The following PCDH9 variants were observed in gnomAD, a reference collection of about 807,000 sequenced individuals.
PCDH9 encodes protocadherin-9.
In PCDH9, 24 loss-of-function variants were observed where a neutral mutation model predicts 70.6. That is an observed-to-expected ratio of 0.34 (90% CI 0.25 to 0.48). The LOEUF (loss-of-function observed/expected upper bound fraction) is 0.48. PCDH9 is among the 20% of genes least tolerant of loss of function. PCDH9 has a pLI of 0.99. For missense variants in PCDH9, 1,281 were observed against 1,503.6 expected (o/e 0.85, Z 2.45); for synonymous variants, 562 against 558.5 (o/e 1.01, Z -0.09).
At chr13:66,322,735 A>C (rs1247441891) in intron 4 of PCDH9, among the ~76,000 whole-genome samples, 2 of 152,024 alleles carry the variant, frequency 1.3e-5, no homozygotes, top group Non-Finnish European at 2.9e-5. Context: ...AAATTTTCTG[A>C]AGTAGATCCA....
intron 4 of PCDH9, among the ~76,000 whole-genome samples, chr13:66,608,713 A>G (rs1302632359): frequency 6.6e-6 from 1 of 152,018 alleles, no homozygotes; most frequent in Non-Finnish European, 1.5e-5. Flanking sequence ...ATTCAAACCT[A>G]GGAGCTCTTT....
intron 2 of PCDH9, among the ~76,000 whole-genome samples, chr13:67,023,223 C>T (rs747127994): frequency 9.2e-5 from 14 of 151,640 alleles, no homozygotes; most frequent in Non-Finnish European, 1.6e-4. Flanking sequence ...AGTTACACTA[C>T]TTATTCTAGG....
At chr13:66,943,779 T>C (rs1272756584) in intron 2 of PCDH9, among the ~76,000 whole-genome samples, 1 of 152,082 alleles carries the variant, frequency 6.6e-6, no homozygotes, top group Admixed American at 6.6e-5. Flanking sequence ...AATTCATCTG[T>C]ATCGGCATGG....
intron 2 of PCDH9, among the ~76,000 whole-genome samples, chr13:67,025,787 T>C (rs944660441): frequency 5.9e-5 from 9 of 152,160 alleles, no homozygotes; most frequent in Non-Finnish European, 1.0e-4. Flanking sequence ...TTGCACTTTA[T>C]ATGCACTTTA....
At chr13:66,578,793 GC>G (rs2076850182) in intron 4 of PCDH9, among the ~76,000 whole-genome samples, 2 of 152,028 alleles carry the variant, frequency 1.3e-5, no homozygotes, top group African/African-American at 4.8e-5. Flanking sequence ...CATAATATGA[GC>G]TAAGAAAATT....
chr13:66,685,232 T>A (rs1291252435), intron 3 of PCDH9, among the ~76,000 whole-genome samples: 2 of 152,174 alleles, frequency 1.3e-5, no homozygotes, highest in Admixed American at 1.3e-4. Context: ...AGGGCCTTGC[T>A]GCTTTTTGCA....
intron 4 of PCDH9, among the ~76,000 whole-genome samples, chr13:66,552,265 C>T (rs1014650868): frequency 6.6e-6 from 1 of 152,050 alleles, no homozygotes; most frequent in African/African-American, 2.4e-5. Flanking sequence ...TAAATTATTC[C>T]CCTATCTCAA....
chr13:66,695,841 G>GT (rs2078555785), intron 3 of PCDH9, among the ~76,000 whole-genome samples: 2 of 152,092 alleles, frequency 1.3e-5, no homozygotes, highest in Admixed American at 6.5e-5. Flanking sequence ...AGGGGATTAG[G>GT]TTTTGTCCTA....
intron 3 of PCDH9, among the ~76,000 whole-genome samples, chr13:66,781,150 A>C (rs993361265): frequency 5.3e-5 from 8 of 152,176 alleles, no homozygotes; most frequent in African/African-American, 1.9e-4. Flanking sequence ...CCTACTTCTA[A>C]TTGGGCCAAC....
At chr13:66,527,405 C>T (rs1276552543) in intron 4 of PCDH9, among the ~76,000 whole-genome samples, 2 of 152,090 alleles carry the variant, frequency 1.3e-5, no homozygotes, top group Non-Finnish European at 2.9e-5. Flanking sequence ...CTACTCTGAC[C>T]TACAGGTGAT....
chr13:66,692,183 A>G (rs2078497373), intron 3 of PCDH9, among the ~76,000 whole-genome samples: 1 of 152,154 alleles, frequency 6.6e-6, no homozygotes, highest in Admixed American at 6.5e-5. Flanking sequence ...ATGAATTTGA[A>G]AGAGACATCC....
chr13:67,213,647 CAGAAGCCTAAAGA>C (rs2089524537), intron 2 of PCDH9: 1 of 152,008 alleles, frequency 6.6e-6, no homozygotes. Flanking sequence ...ATAAAACAAG[CAGAAGCCTAAAGA>C]AAATCACACC....
At chr13:67,022,853 T>C (rs2139864906) in intron 2 of PCDH9, among the ~76,000 whole-genome samples, 1 of 152,360 alleles carries the variant, frequency 6.6e-6, no homozygotes, top group Non-Finnish European at 1.5e-5. Context: ...TCTCCTATGC[T>C]GAGGCTTCAG....
intron 4 of PCDH9, among the ~76,000 whole-genome samples, chr13:66,618,552 G>A (rs2077386544): frequency 6.6e-6 from 1 of 152,024 alleles, no homozygotes; most frequent in African/African-American, 2.4e-5. Context: ...TTGATATTAT[G>A]AGAATATATT....
chr13:66,459,872 C>T (rs1292607065), intron 4 of PCDH9, among the ~76,000 whole-genome samples: 1 of 151,844 alleles, frequency 6.6e-6, no homozygotes, highest in East Asian at 1.9e-4. Flanking sequence ...ATACACAGCT[C>T]ATAACAAAGT....
At chr13:66,408,041 C>T (rs1236650252) in intron 4 of PCDH9, among the ~76,000 whole-genome samples, 1 of 148,446 alleles carries the variant, frequency 6.7e-6, no homozygotes, top group Admixed American at 6.8e-5. Context: ...GTTTTATCAG[C>T]AGGGATCACT....
chr13:66,447,781 C>A (rs969652922), intron 4 of PCDH9, among the ~76,000 whole-genome samples: 1 of 151,994 alleles, frequency 6.6e-6, no homozygotes, highest in Non-Finnish European at 1.5e-5. Flanking sequence ...GGGTATTCAA[C>A]GAATTAAATT....
At chr13:66,966,865 T>A (rs143682782) in intron 2 of PCDH9, among the ~76,000 whole-genome samples, 1 of 152,136 alleles carries the variant, frequency 6.6e-6, no homozygotes, top group East Asian at 1.9e-4. Flanking sequence ...ACTGGAAAAT[T>A]ATTATAGAGT....
intron 4 of PCDH9, among the ~76,000 whole-genome samples, chr13:66,446,523 A>G (rs1319287624): frequency 6.6e-6 from 1 of 152,138 alleles, no homozygotes; most frequent in Non-Finnish European, 1.5e-5. Context: ...GCCATGATTT[A>G]TAACGGATAT....
Sources: gnomAD v4.1 joint callset for allele counts (sites outside exome capture counted in the v4.1 genomes callset) on GRCh38, gnomAD v4.1.1 for gene constraint, MANE v1.5 for transcripts, NCBI Gene and HGNC (gene_info 2026-07-23, HGNC 2026-07-21) for gene names.